MIER1: variants seen among roughly 807,000 people sequenced by gnomAD.
MIER1 encodes mesoderm induction early response protein 1.
Under a neutral mutation model 75.7 loss-of-function variants are expected in MIER1, and 40 were observed. The observed-to-expected ratio is 0.53, with a 90% CI of 0.41 to 0.69. The LOEUF is 0.69. MIER1 is among the 30% of genes least tolerant of loss of function. The pLI, the probability that MIER1 is intolerant of heterozygous loss-of-function variation, is 0.00. For synonymous variants in MIER1, 213 were observed against 223.4 expected (o/e 0.95, Z 0.42); for missense variants, 574 against 680.2 (o/e 0.84, Z 1.74).
intron 4 of MIER1, 55 bp downstream of exon 4, chr1:66,946,350 G>A (rs775410660): frequency 4.7e-6 from 7 of 1,485,596 alleles, no homozygotes; most frequent in East Asian, 5.1e-5. Context: ...TTGTGGAAAG[G>A]GAAGATCTGA....
intron 13 of MIER1, 136 bp from the exon 14 acceptor site, chr1:66,984,436 A>G: frequency 1.6e-6 from 1 of 608,644 alleles, no homozygotes; most frequent in Non-Finnish European, 2.8e-6. Context: ...ATAGCTTATA[A>G]GTAATAGAGC....
chr1:66,948,236 A>T (rs1413954135), intron 4 of MIER1: 1 of 937,124 alleles, frequency 1.1e-6, no homozygotes, highest in Non-Finnish European at 1.3e-6. Flanking sequence ...AAAATATATC[A>T]TGCATATGAT....
rs1178494961 is a variant in MIER1 at position 66,972,984 on chromosome 1, C to T, written c.1094C>T (p.Ala365Val). The change falls in exon 11 of 14, where the codon GCT becomes GTT. Residue 365 changes from alanine (A) to valine (V), a missense_variant. Physicochemically the swap from Ala to Val is moderately conservative, Grantham distance 64. Around this residue, in one of 3 missense-constraint regions of MIER1, gnomAD observed 101 missense variants for 173.1 expected, o/e 0.58. Transcript: ENST00000401041. ...AYGKDFHLIQANKVRTRSVGE... is the reference protein window; with the variant it reads ...AYGKDFHLIQVNKVRTRSVGE... The stretch of plus-strand genomic sequence containing the variant: ...GGAAAGGATTTTCATTTGATTCAGG[C>T]TAATAAAGTAAGTAATGATAATCTC... 6.3e-7 allele frequency: 1 copy of T among 1,581,414 alleles called. No homozygotes were observed. Among genetic ancestry groups the T allele is most frequent in the East Asian group, 2.2e-5 (1 of 44,580 alleles).
intron 11 of MIER1, 89 bp from the exon 12 acceptor site, chr1:66,976,506 G>C: frequency 7.5e-7 from 1 of 1,327,858 alleles, no homozygotes; most frequent in Non-Finnish European, 1.0e-6. Context: ...TTAAGGACTA[G>C]CCAAATTTAT....
intron 2 of MIER1, among the ~76,000 whole-genome samples, chr1:66,926,987 A>T (rs1651975769): frequency 6.6e-6 from 1 of 152,094 alleles, no homozygotes; most frequent in Non-Finnish European, 1.5e-5. Flanking sequence ...TATATTTCTT[A>T]GGTATATGTA....
At chr1:66,927,008 G>A (rs1180315039) in intron 2 of MIER1, among the ~76,000 whole-genome samples, 1 of 152,140 alleles carries the variant, frequency 6.6e-6, no homozygotes, top group Non-Finnish European at 1.5e-5. Context: ...AATTGCCAAA[G>A]AAGTTTGTTC....
intron 8 of MIER1, 97 bp from the exon 9 acceptor site, chr1:66,970,711 C>A (rs1663419242): frequency 1.1e-6 from 1 of 901,148 alleles, no homozygotes; most frequent in African/African-American, 1.8e-5. Context: ...CCTCAGTTCT[C>A]AACATTTGGC....
rs551750233 is a variant in MIER1 at position 66,959,757 on chromosome 1, T to C, written c.699+14T>C. On this transcript the variant is annotated intron_variant, in intron 7 of 13. Transcript: ENST00000401041. ...GACTGGAAAAAGGTAGTTAGAACAA[T>C]ATTTTCCCAAAATTTAGATAAATTA... 3.0e-6 allele frequency: 4 copies of C among 1,312,674 alleles called. No individual in the cohort carries two copies. The highest frequency in any genetic ancestry group is 5.4e-5 in the East Asian group (2 of 37,240). The allele number at this position is 1,312,674 out of a possible 1,614,324, so 81.3% of individuals were successfully genotyped here. A position where few individuals can be genotyped will look rare whatever the true frequency, so the allele number is the denominator to read the frequency against.
chr1:66,954,691 G>C (rs1659721652), intron 4 of MIER1, among the ~76,000 whole-genome samples: 1 of 151,382 alleles, frequency 6.6e-6, no homozygotes, highest in Non-Finnish European at 1.5e-5. Flanking sequence ...TTTGAGAAAT[G>C]AATTTTTTTC....
chr1:66,953,576 T>A (rs1659459109), intron 4 of MIER1, among the ~76,000 whole-genome samples: 1 of 151,810 alleles, frequency 6.6e-6, no homozygotes, highest in African/African-American at 2.4e-5. Flanking sequence ...TTAATACTAG[T>A]AAGTAAGCAT....
At chr1:66,934,099 C>A (rs1558020448) in intron 2 of MIER1, among the ~76,000 whole-genome samples, 2 of 151,858 alleles carry the variant, frequency 1.3e-5, no homozygotes, top group African/African-American at 4.8e-5. Flanking sequence ...AGTAGCACCC[C>A]AAAAAATTGT....
At chr1:66,948,415 C>T (rs1402533714) in intron 4 of MIER1, among the ~76,000 whole-genome samples, 3 of 152,122 alleles carry the variant, frequency 2.0e-5, no homozygotes, top group Non-Finnish European at 4.4e-5. Context: ...ATTTAAAGAG[C>T]TCAAAAAGGA....
At chr1:66,940,814 A>AG (rs1349581768) in intron 3 of MIER1, among the ~76,000 whole-genome samples, 2 of 152,190 alleles carry the variant, frequency 1.3e-5, no homozygotes, top group East Asian at 3.8e-4. Context: ...TGAAGCAGTG[A>AG]GGAAAGAGTC....
At chr1:66,945,326 A>C (rs1184662140) in intron 3 of MIER1, among the ~76,000 whole-genome samples, 2 of 147,346 alleles carry the variant, frequency 1.4e-5, no homozygotes, top group East Asian at 2.0e-4. Context: ...TAAAATACCT[A>C]ATATAGGTAA....
At chr1:66,971,566 A>T in intron 9 of MIER1, 89 bp from the exon 10 acceptor site, 1 of 686,024 alleles carries the variant, frequency 1.5e-6, no homozygotes, top group Non-Finnish European at 2.5e-6. Context: ...AAAGGATGAA[A>T]ACACTGGATG....
chr1:66,966,733 G>A (rs762099984), intron 8 of MIER1, among the ~76,000 whole-genome samples: 23 of 152,198 alleles, frequency 1.5e-4, no homozygotes, highest in African/African-American at 3.6e-4. Context: ...CCATTCTAAC[G>A]GTTGTGAGAT....
intron 2 of MIER1, among the ~76,000 whole-genome samples, chr1:66,937,928 T>A (rs1250244802): frequency 1.3e-5 from 2 of 152,332 alleles, no homozygotes; most frequent in East Asian, 1.9e-4. Context: ...GTATGGATAC[T>A]AAATGTATCT....
At chr1:66,968,792 A>G (rs917582262) in intron 8 of MIER1, among the ~76,000 whole-genome samples, 2 of 152,200 alleles carry the variant, frequency 1.3e-5, no homozygotes, top group Non-Finnish European at 2.9e-5. Flanking sequence ...CATTTATACT[A>G]ACCACAGTGT....
intron 8 of MIER1, among the ~76,000 whole-genome samples, chr1:66,965,773 A>T (rs896671883): frequency 1.4e-4 from 22 of 152,064 alleles, no homozygotes; most frequent in Non-Finnish European, 2.9e-4. Context: ...ATTTTTTTGT[A>T]CCCATTAACC....
Sources: gnomAD v4.1 joint callset for allele counts (sites outside exome capture counted in the v4.1 genomes callset) on GRCh38, gnomAD v4.1.1 for gene constraint, gnomAD v4.1.1 regional missense constraint, MANE v1.5 for transcripts, NCBI Gene and HGNC (gene_info 2026-07-23, HGNC 2026-07-21) for gene names.